The following EPHA6 variants were observed in gnomAD, a reference collection of about 807,000 sequenced individuals.
EPHA6 encodes the protein ephrin type-A receptor 6.
Under a neutral mutation model 112.0 loss-of-function variants are expected in EPHA6, and 50 were observed. The ratio of observed to expected loss-of-function variants is 0.45; its 90% CI spans 0.36 to 0.56. The LOEUF (loss-of-function observed/expected upper bound fraction) is 0.56. EPHA6 is among the 20% of genes least tolerant of loss of function. The pLI, the probability that EPHA6 is intolerant of heterozygous loss-of-function variation, is 0.00. For missense variants in EPHA6, 1,280 were observed against 1,417.4 expected, an observed-to-expected ratio of 0.90 and a Z score of 1.56; for synonymous variants, 529 against 490.7, an observed-to-expected ratio of 1.08 and a Z score of -1.03.
intron 2 of EPHA6, among the ~76,000 whole-genome samples, chr3:96,956,609 A>G (rs2107737265): frequency 6.6e-6 from 1 of 152,334 alleles, no homozygotes; most frequent in East Asian, 1.9e-4. Flanking sequence ...TAGGAGAGAC[A>G]TTTTACAAAG....
intron 17 of EPHA6, among the ~76,000 whole-genome samples, chr3:97,748,262 T>A (rs1020575201): frequency 1.3e-5 from 2 of 152,096 alleles, no homozygotes; most frequent in Admixed American, 6.5e-5. Context: ...TTTACGCCTA[T>A]GAAATATCTG....
chr3:96,836,063 T>C (rs2034391158), intron 1 of EPHA6, among the ~76,000 whole-genome samples: 1 of 152,128 alleles, frequency 6.6e-6, no homozygotes, highest in Admixed American at 6.6e-5. Flanking sequence ...CTAGAGATAA[T>C]ACTTGGCTAC....
At chr3:97,637,779 A>G in intron 13 of EPHA6, 94 bp from the exon 14 acceptor site, 2 of 893,982 alleles carry the variant, frequency 2.2e-6, no homozygotes, top group Non-Finnish European at 3.6e-6. Flanking sequence ...TCTTCATTTG[A>G]TCCAATAAAA....
chr3:97,717,785 C>G (rs886330120), intron 14 of EPHA6, among the ~76,000 whole-genome samples: 5 of 151,968 alleles, frequency 3.3e-5, no homozygotes, highest in African/African-American at 1.2e-4. Context: ...CTTCCCCTTA[C>G]AGAAAAAAAT....
intron 14 of EPHA6, among the ~76,000 whole-genome samples, chr3:97,664,659 C>A (rs1297452490): frequency 1.3e-5 from 2 of 152,154 alleles, no homozygotes; most frequent in African/African-American, 4.8e-5. Context: ...AAATCACAAT[C>A]ATTCTTATAC....
At chr3:96,891,095 GCAAA>G (rs2037932156) in intron 2 of EPHA6, among the ~76,000 whole-genome samples, 1 of 151,936 alleles carries the variant, frequency 6.6e-6, no homozygotes, top group South Asian at 2.1e-4. Context: ...TCTCAAACAA[GCAAA>G]CAAACAATAG....
chr3:97,576,311 G>T (rs756832249), intron 11 of EPHA6, among the ~76,000 whole-genome samples: 77 of 151,906 alleles, frequency 5.1e-4, no homozygotes, highest in Non-Finnish European at 9.4e-4. Context: ...TCAGTCCAGG[G>T]AGCAACTACT....
rs1290864938 is a variant in EPHA6 at position 97,220,563 on chromosome 3, G to A, written c.1115-5701G>A. 2.6e-5 allele frequency among the ~76,000 whole-genome samples: 4 copies of A among 152,168 alleles called. No individual in the cohort carries two copies. In the East Asian group the frequency reaches 5.8e-4, roughly 22 times the overall value. On this transcript the variant is annotated intron_variant, in intron 3 of 17. Coordinates refer to ENST00000389672, the MANE Select transcript of EPHA6 (RefSeq NM_001080448.3). ...GGAAGCAAGGGACCTTCTTCACAAG[G>A]CAAGAGGAAGGAGAATTGCCTAGAG...
rs1477876779 is a variant in EPHA6, at chr3:97,736,131, A to G, written c.3128+13A>G. On this transcript the variant is annotated intron_variant, in intron 16 of 17. Transcript: ENST00000389672. ...AGGACATCCTTGTGTAAGAGGCATA[A>G]TGTTGAGTTTTTTTCTTCTTGACAA... The G allele has an allele frequency of 6.3e-7, 1 of 1,594,084 alleles. No individual in the cohort carries two copies. The highest frequency in any genetic ancestry group is 8.6e-7 in the Non-Finnish European group (1 of 1,167,396).
chr3:97,650,168 G>A (rs949282950), intron 14 of EPHA6, among the ~76,000 whole-genome samples: 1 of 152,108 alleles, frequency 6.6e-6, no homozygotes, highest in African/African-American at 2.4e-5. Context: ...TAAATGCATG[G>A]TAAAAGTCTT....
chr3:97,292,793 T>C (rs1053154178), intron 5 of EPHA6, among the ~76,000 whole-genome samples: 1 of 151,742 alleles, frequency 6.6e-6, no homozygotes, highest in Non-Finnish European at 1.5e-5. Context: ...GGTAGCTCTT[T>C]TCTTCAGGCA....
At chr3:97,281,861 G>A (rs1174064613) in intron 5 of EPHA6, among the ~76,000 whole-genome samples, 1 of 152,072 alleles carries the variant, frequency 6.6e-6, no homozygotes, top group African/African-American at 2.4e-5. Context: ...AAATTTGGTT[G>A]AATTTTTTTA....
intron 1 of EPHA6, among the ~76,000 whole-genome samples, chr3:96,862,065 A>C (rs1044303365): frequency 3.9e-5 from 6 of 151,940 alleles, no homozygotes; most frequent in Admixed American, 3.9e-4. Flanking sequence ...AACTGGATTA[A>C]TTTGATAATC....
chr3:97,678,833 G>A (rs2031621383), intron 14 of EPHA6, among the ~76,000 whole-genome samples: 1 of 152,056 alleles, frequency 6.6e-6, no homozygotes, highest in Admixed American at 6.6e-5. Flanking sequence ...AGTTTTATAT[G>A]TGTTTGTATA....
At chr3:97,713,843 A>C (rs1040202961) in intron 14 of EPHA6, among the ~76,000 whole-genome samples, 4 of 152,194 alleles carry the variant, frequency 2.6e-5, no homozygotes, top group Non-Finnish European at 5.9e-5. Flanking sequence ...CTCAACCATA[A>C]ATGATATTAT....
chr3:97,192,418 C>T (rs1156623328), intron 3 of EPHA6, among the ~76,000 whole-genome samples: 1 of 152,078 alleles, frequency 6.6e-6, no homozygotes, highest in Non-Finnish European at 1.5e-5. Context: ...AGGTGCCTGA[C>T]CGTCTTCTTT....
chr3:97,485,921 A>G (rs1276348288), intron 10 of EPHA6, among the ~76,000 whole-genome samples: 1 of 152,234 alleles, frequency 6.6e-6, no homozygotes, highest in Non-Finnish European at 1.5e-5. Context: ...TTTGTGCTAC[A>G]GCATAACAAA....
At chr3:96,864,996 G>A (rs1452715551) in intron 1 of EPHA6, among the ~76,000 whole-genome samples, 1 of 151,918 alleles carries the variant, frequency 6.6e-6, no homozygotes, top group Non-Finnish European at 1.5e-5. Flanking sequence ...CTTATAGTGG[G>A]GAAGTAGGTA....
intron 3 of EPHA6, among the ~76,000 whole-genome samples, chr3:97,072,480 C>A (rs1203996468): frequency 1.3e-5 from 2 of 152,000 alleles, no homozygotes; most frequent in Non-Finnish European, 1.5e-5. Flanking sequence ...TTTATCACAG[C>A]CGTTAGAAGG....
Sources: allele counts gnomAD v4.1 joint callset (sites outside exome capture counted in the v4.1 genomes callset), GRCh38; gene constraint gnomAD v4.1.1; transcripts MANE v1.5; gene names NCBI Gene and HGNC (gene_info 2026-07-23, HGNC 2026-07-21).